Variants in SLC24A2 observed in about 807,000 individuals in gnomAD.
SLC24A2 encodes the protein sodium/potassium/calcium exchanger 2.
In SLC24A2, 36 loss-of-function variants were observed where a neutral mutation model predicts 62.0. The observed-to-expected ratio is 0.58, with a 90% CI of 0.44 to 0.77. SLC24A2 has a LOEUF of 0.77. SLC24A2 is among the 30% of genes least tolerant of loss of function. SLC24A2 has a pLI of 0.00. For missense variants in SLC24A2, 846 were observed against 817.9 expected (o/e 1.03, Z -0.42); for synonymous variants, 358 against 294.0 (o/e 1.22, Z -2.23).
upstream of SLC24A2, among the ~76,000 whole-genome samples, chr9:19,790,994 C>T (rs1823313792): frequency 6.6e-6 from 1 of 152,118 alleles, no homozygotes; most frequent in South Asian, 2.1e-4. Context: ...CTCATGAGTC[C>T]ATAGATTGTA....
At chr9:19,733,302 T>C (rs1387024487) in intron 2 of SLC24A2, among the ~76,000 whole-genome samples, 1 of 152,172 alleles carries the variant, frequency 6.6e-6, no homozygotes, top group Non-Finnish European at 1.5e-5. Context: ...TGTCAGAACA[T>C]TACTGACCTA....
At chr9:20,088,928 T>A in the SLC24A2 span, among the ~76,000 whole-genome samples, 1 of 152,122 alleles carries the variant, frequency 6.6e-6, no homozygotes, top group Non-Finnish European at 1.5e-5. Context: ...CCAAGGTGAC[T>A]AGGGACTGGA....
chr9:19,716,501 G>A (rs1461723759), intron 2 of SLC24A2, among the ~76,000 whole-genome samples: 1 of 152,182 alleles, frequency 6.6e-6, no homozygotes, highest in African/African-American at 2.4e-5. Flanking sequence ...TGTTTGCAGT[G>A]ACATTCTCCT....
chr9:19,529,215 T>A (rs1833579582), intron 8 of SLC24A2, among the ~76,000 whole-genome samples: 1 of 152,196 alleles, frequency 6.6e-6, no homozygotes, highest in African/African-American at 2.4e-5. Flanking sequence ...GAGAAATGAA[T>A]TTTAGAGTTG....
At position 19,512,340 on chromosome 9, in the gene SLC24A2, C is replaced by T. The variant is rs1488342614; in HGVS notation, c.*3813G>A. On this transcript the variant is annotated 3_prime_UTR_variant, in exon 11 of 11. Transcript: ENST00000341998. ...TTAGAAGCCTTACAAAGCATTTTTC[C>T]TGAATATAAAACAGTCTCCGCCTCT... 3 of 152,248 alleles carry T rather than the reference C, an allele frequency of 2.0e-5. No homozygotes were observed. Among genetic ancestry groups the T allele is most frequent in the Admixed American group, 1.3e-4 (2 of 15,278 alleles). The allele number at this position is 152,248 out of a possible 1,614,324, so 9.4% of individuals were successfully genotyped here.
chr9:19,816,697 T>C, the SLC24A2 span, among the ~76,000 whole-genome samples: 1 of 152,020 alleles, frequency 6.6e-6, no homozygotes, highest in Non-Finnish European at 1.5e-5. Context: ...GGAGCAGGCA[T>C]ATCACATGGC....
the SLC24A2 span, among the ~76,000 whole-genome samples, chr9:20,035,198 G>A: frequency 6.6e-6 from 1 of 152,016 alleles, no homozygotes; most frequent in Non-Finnish European, 1.5e-5. Flanking sequence ...CAACAGTTAG[G>A]TATGAAAACT....
chr9:20,205,309 C>T, the SLC24A2 span, among the ~76,000 whole-genome samples: 1 of 151,996 alleles, frequency 6.6e-6, no homozygotes, highest in Non-Finnish European at 1.5e-5. Flanking sequence ...ACTACTCAAT[C>T]TTTTCATGGA....
At position 19,785,947 on chromosome 9, in the gene SLC24A2, G is replaced by C. The variant is rs746162610; in HGVS notation, c.920C>G (p.Ala307Gly). 4.3e-6 allele frequency: 7 copies of C among 1,614,016 alleles called. No individual in the cohort carries two copies. In the South Asian group the frequency reaches 7.7e-5, roughly 18 times the overall value. Reference protein sequence around the residue: ...NKVVKVTAPEAQAKPSAARDK... With the variant: ...NKVVKVTAPEGQAKPSAARDK... ...TCCACCACCACCAACCTTTGCTTGG[G>C]CTTCTGGTGCTGTCACCTTGACGAC... is the stretch of plus-strand genomic sequence containing the variant. Residue 307 changes from alanine to glycine, a missense_variant, in exon 2 of 11, where the codon GCC becomes GGC. Transcript: ENST00000341998.
At chr9:19,882,167 G>A in the SLC24A2 span, among the ~76,000 whole-genome samples, 2 of 152,114 alleles carry the variant, frequency 1.3e-5, no homozygotes, top group African/African-American at 2.4e-5. Flanking sequence ...AGAGGCTGCT[G>A]TTAAATAGCT....
At chr9:19,791,901 C>A (rs192773271), upstream of SLC24A2, among the ~76,000 whole-genome samples, 1 of 152,106 alleles carries the variant, frequency 6.6e-6, no homozygotes, top group East Asian at 1.9e-4. Context: ...TCATATTTAC[C>A]CTTCTATTAG....
chr9:20,164,512 A>G, the SLC24A2 span, among the ~76,000 whole-genome samples: 1 of 150,820 alleles, frequency 6.6e-6, no homozygotes, highest in East Asian at 2.0e-4. Flanking sequence ...GTGGAGAAAT[A>G]GGAACACTTT....
chr9:20,250,086 G>T, the SLC24A2 span, among the ~76,000 whole-genome samples: 1 of 152,170 alleles, frequency 6.6e-6, no homozygotes, highest in Non-Finnish European at 1.5e-5. Context: ...AACAACAATA[G>T]CAAGACCTGT....
the SLC24A2 span, among the ~76,000 whole-genome samples, chr9:19,851,026 TA>T: frequency 1.3e-3 from 87 of 68,554 alleles, 5 homozygotes; most frequent in African/African-American, 3.5e-3. Flanking sequence ...TATATATACA[TA>T]TTTTTTTTTT....
intron 10 of SLC24A2, among the ~76,000 whole-genome samples, chr9:19,516,838 A>G (rs1177379963): frequency 6.6e-6 from 1 of 152,184 alleles, no homozygotes; most frequent in Non-Finnish European, 1.5e-5. Context: ...GAAAAAATTA[A>G]AAAATGGAGA....
the SLC24A2 span, among the ~76,000 whole-genome samples, chr9:20,044,288 C>A: frequency 6.6e-6 from 1 of 152,130 alleles, no homozygotes; most frequent in Non-Finnish European, 1.5e-5. Context: ...TGGTCTGGAA[C>A]CTGAACCTGA....
the SLC24A2 span, among the ~76,000 whole-genome samples, chr9:19,804,240 C>A: frequency 6.6e-6 from 1 of 152,022 alleles, no homozygotes; most frequent in South Asian, 2.1e-4. Context: ...TAATATTAAG[C>A]CTTTCCATCC....
chr9:20,244,520 T>G, the SLC24A2 span, among the ~76,000 whole-genome samples: 1 of 152,198 alleles, frequency 6.6e-6, no homozygotes, highest in African/African-American at 2.4e-5. Flanking sequence ...ATGCTTGCCT[T>G]TGCACCACTC....
chr9:19,944,250 C>CA, the SLC24A2 span, among the ~76,000 whole-genome samples: 2 of 151,840 alleles, frequency 1.3e-5, no homozygotes, highest in Admixed American at 1.3e-4. Flanking sequence ...ATTTTTCCAG[C>CA]AAAAAGTCTT....
Sources: gnomAD v4.1 joint callset for allele counts (sites outside exome capture counted in the v4.1 genomes callset) on GRCh38, gnomAD v4.1.1 for gene constraint, MANE v1.5 for transcripts, NCBI Gene and HGNC (gene_info 2026-07-23, HGNC 2026-07-21) for gene names.